Variants in ZBTB20 observed in about 807,000 individuals in gnomAD.
The protein encoded by ZBTB20 is zinc finger and BTB domain containing 20.
In ZBTB20, 9 loss-of-function variants were observed where a neutral mutation model predicts 56.9. That is an observed-to-expected ratio of 0.16 (90% CI 0.10 to 0.28). The LOEUF (loss-of-function observed/expected upper bound fraction) is 0.28, where lower values mean the gene tolerates loss of function less well. Ranked by LOEUF, ZBTB20 falls within the 10% of genes least tolerant of loss-of-function variation. ZBTB20 has a pLI of 1.00. For missense variants in ZBTB20, 655 were observed against 1,003.0 expected, an observed-to-expected ratio of 0.65 and a Z score of 4.69; for synonymous variants, 417 against 420.7, an observed-to-expected ratio of 0.99 and a Z score of 0.11.
intron 1 of ZBTB20, among the ~76,000 whole-genome samples, chr3:115,120,087 G>C (rs751488009): frequency 2.0e-5 from 3 of 152,070 alleles, no homozygotes; most frequent in Non-Finnish European, 4.4e-5. Flanking sequence ...CTCTGTATGA[G>C]TCTTATAATG....
At chr3:114,391,869 A>G (rs559934617) in intron 7 of ZBTB20, among the ~76,000 whole-genome samples, 11 of 152,318 alleles carry the variant, frequency 7.2e-5, no homozygotes, top group Non-Finnish European at 1.2e-4. Context: ...CCACAGACTA[A>G]TATTTATCAG....
At chr3:115,123,042 C>G (rs1156766802) in intron 1 of ZBTB20, among the ~76,000 whole-genome samples, 1 of 151,966 alleles carries the variant, frequency 6.6e-6, no homozygotes, top group East Asian at 1.9e-4. Flanking sequence ...CTCTTTTTTT[C>G]AAATGATCTG....
At position 114,513,164 on chromosome 3, in the gene ZBTB20, C is replaced by T. The variant is rs370750389; in HGVS notation, c.-294-12773G>A. ...GGGAGAATTTAATGTATGTATAGAG[C>T]AGCAAATGTTCTCTCTGTTGCTTTC... On this transcript the variant is annotated intron_variant, in intron 6 of 11. Transcript: ENST00000675478. Among the ~76,000 whole-genome samples the T allele has an allele frequency of 1.4e-4, 22 of 152,262 alleles. 1 individual carries two copies. The South Asian group carries it at 4.4e-3, about 30-fold the overall frequency.
In ZBTB20 at chr3:114,326,969, G is replaced by A. The variant is rs1235895501; in HGVS notation, c.*12036C>T. Reference sequence around the variant, plus strand: ...ATTGTATGTGTGTGTGTTGCAGAGGGAGAGGGGAGCAAAGCAAGCTTTTCC... The same window carrying A: ...ATTGTATGTGTGTGTGTTGCAGAGGAAGAGGGGAGCAAAGCAAGCTTTTCC... On this transcript the variant is annotated 3_prime_UTR_variant, in exon 12 of 12. Coordinates refer to ENST00000675478, the MANE Select transcript of ZBTB20 (RefSeq NM_001348800.3). 6.6e-6 allele frequency: 1 copy of A among 152,122 alleles called. No homozygotes were observed. Among genetic ancestry groups the A allele is most frequent in the Non-Finnish European group, 1.5e-5 (1 of 68,024 alleles). The allele number at this position is 152,122 out of a possible 1,614,324, so 9.4% of individuals were successfully genotyped here.
At chr3:115,031,495 CAA>C (rs1218021486) in intron 2 of ZBTB20, among the ~76,000 whole-genome samples, 1 of 151,294 alleles carries the variant, frequency 6.6e-6, no homozygotes, top group African/African-American at 2.4e-5. Context: ...TGATATAATT[CAA>C]AGTTTTCCAA....
intron 6 of ZBTB20, among the ~76,000 whole-genome samples, chr3:114,683,628 T>A (rs577982461): frequency 6.6e-6 from 1 of 152,122 alleles, no homozygotes; most frequent in African/African-American, 2.4e-5. Context: ...AAATAGAGGC[T>A]AGAACATCTC....
At chr3:114,939,788 G>A (rs1576378003) in intron 3 of ZBTB20, among the ~76,000 whole-genome samples, 2 of 145,878 alleles carry the variant, frequency 1.4e-5, no homozygotes, top group Admixed American at 1.3e-4. Flanking sequence ...ATTACTCGAT[G>A]AGCCCAGAGT....
At chr3:114,582,896 T>G (rs2054801026) in intron 6 of ZBTB20, among the ~76,000 whole-genome samples, 1 of 152,262 alleles carries the variant, frequency 6.6e-6, no homozygotes, top group South Asian at 2.1e-4. Context: ...ACTTCTTGAC[T>G]GACTATAGAA....
At chr3:114,453,476 C>A (rs1171668380) in intron 7 of ZBTB20, 2 of 152,110 alleles carry the variant, frequency 1.3e-5, no homozygotes, top group Non-Finnish European at 2.9e-5. Context: ...ATTTTGGGAA[C>A]CCAAATTCCA....
intron 2 of ZBTB20, among the ~76,000 whole-genome samples, chr3:115,050,861 G>T (rs1055755552): frequency 6.6e-6 from 1 of 152,004 alleles, no homozygotes; most frequent in African/African-American, 2.4e-5. Context: ...GTAATAAGAT[G>T]AAAGGTACTC....
intron 2 of ZBTB20, among the ~76,000 whole-genome samples, chr3:115,048,533 C>T (rs1238784763): frequency 2.0e-5 from 3 of 152,096 alleles, no homozygotes; most frequent in Admixed American, 2.0e-4. Context: ...AAATGTCTGT[C>T]ATTTCAGGTA....
intron 3 of ZBTB20, among the ~76,000 whole-genome samples, chr3:114,952,340 C>G (rs563421492): frequency 1.9e-4 from 29 of 152,146 alleles, no homozygotes; most frequent in Non-Finnish European, 3.1e-4. Context: ...CCACATGATG[C>G]CTTCCATCAT....
chr3:114,654,100 C>T (rs889473315), intron 6 of ZBTB20, among the ~76,000 whole-genome samples: 1 of 151,452 alleles, frequency 6.6e-6, no homozygotes, highest in African/African-American at 2.4e-5. Flanking sequence ...GTTTTTATTT[C>T]ACAGTTTTCT....
chr3:115,137,462 G>A (rs1576833060), intron 1 of ZBTB20, among the ~76,000 whole-genome samples: 2 of 152,050 alleles, frequency 1.3e-5, no homozygotes, highest in Admixed American at 1.3e-4. Flanking sequence ...CCAAAGTCAT[G>A]TACACTGACT....
At chr3:114,384,843 C>T (rs776537547) in intron 8 of ZBTB20, among the ~76,000 whole-genome samples, 1 of 152,160 alleles carries the variant, frequency 6.6e-6, no homozygotes, top group Non-Finnish European at 1.5e-5. Context: ...AGGTATTAAG[C>T]ATGTTAAATG....
rs536892567 is a variant in ZBTB20, at chr3:114,534,313, CA to C, written c.-294-33923del. On this transcript the variant is annotated intron_variant, in intron 6 of 11. Transcript: ENST00000675478. ...GAATATTTACCAAGCAAATGGAAAG[CA>C]AAAAAAAATGCAGGGGTTGCAATCC... Among the ~76,000 whole-genome samples, 9 of 147,498 alleles carry C rather than the reference CA, an allele frequency of 6.1e-5. 1 individual carries two copies. In the South Asian group the frequency reaches 6.4e-4, roughly 10 times the overall value.
In ZBTB20 at chr3:114,335,167, TA is replaced by T. The variant is rs1163626253; in HGVS notation, c.*3837del. The T allele has an allele frequency of 1.3e-5, 2 of 152,212 alleles. No individual in the cohort carries two copies. Among genetic ancestry groups the T allele is most frequent in the Non-Finnish European group, 2.9e-5 (2 of 68,028 alleles). 9.4% of individuals were successfully genotyped at this position (152,212 alleles called of 1,614,324 possible). ...CTCCCTTGTTTGGCAAATTCCATTTTAAAATTATAAATTGCTAAAAAATGTC... is the reference window on the plus strand; with the variant it reads ...CTCCCTTGTTTGGCAAATTCCATTTTAAATTATAAATTGCTAAAAAATGTC... On this transcript the variant is annotated 3_prime_UTR_variant, in exon 12 of 12. Transcript: ENST00000675478.
chr3:115,015,487 G>A (rs2079912365), intron 2 of ZBTB20, among the ~76,000 whole-genome samples: 1 of 151,508 alleles, frequency 6.6e-6, no homozygotes. Context: ...CCCCTGAGAG[G>A]CCCCAGTATG....
chr3:115,011,562 A>G (rs532698338), intron 2 of ZBTB20, among the ~76,000 whole-genome samples: 1 of 152,028 alleles, frequency 6.6e-6, no homozygotes, highest in South Asian at 2.1e-4. Context: ...TGGTGAAAAT[A>G]TCCTTCAAAC....
Sources: allele counts gnomAD v4.1 joint callset (sites outside exome capture counted in the v4.1 genomes callset), GRCh38; gene constraint gnomAD v4.1.1; transcripts MANE v1.5; gene names NCBI Gene and HGNC (gene_info 2026-07-23, HGNC 2026-07-21).